The following METTL15 variants were observed in gnomAD, a reference collection of about 807,000 sequenced individuals.
METTL15 encodes the protein 12S rRNA N(4)-cytidine methyltransferase METTL15.
In METTL15, 34 loss-of-function variants were observed where a neutral mutation model predicts 38.3. That is an observed-to-expected ratio of 0.89 (90% CI 0.68 to 1.18). The LOEUF is 1.18. Among genes scored for constraint, METTL15 ranks in the 50% most tolerant of loss-of-function variants. The probability of loss-of-function intolerance (pLI) is 0.00; values close to 1 mark genes in which losing one functional copy is unlikely to be tolerated. For missense variants in METTL15, 438 were observed against 498.4 expected (o/e 0.88, Z 1.15); for synonymous variants, 162 against 170.9 (o/e 0.95, Z 0.41).
downstream of METTL15, among the ~76,000 whole-genome samples, chr11:28,333,758 A>G (rs1026150390): frequency 1.3e-5 from 2 of 151,892 alleles, no homozygotes; most frequent in Non-Finnish European, 2.9e-5. Context: ...ATGATATATT[A>G]TTTGTGCTTA....
chr11:28,466,397 C>T (rs531236059), intron 6 of METTL15, among the ~76,000 whole-genome samples: 1 of 152,154 alleles, frequency 6.6e-6, no homozygotes, highest in Non-Finnish European at 1.5e-5. Flanking sequence ...ATAGCTTCCT[C>T]GAGTGGAGAA....
intron 6 of METTL15, among the ~76,000 whole-genome samples, chr11:28,505,719 T>G (rs1851622760): frequency 6.6e-6 from 1 of 152,228 alleles, no homozygotes; most frequent in Non-Finnish European, 1.5e-5. Flanking sequence ...ACATGTTGGA[T>G]ACTTAATTTA....
At chr11:28,433,250 TC>T (rs1850951706) in intron 6 of METTL15, among the ~76,000 whole-genome samples, 1 of 152,094 alleles carries the variant, frequency 6.6e-6, no homozygotes, top group Admixed American at 6.6e-5. Flanking sequence ...TCATTTACTT[TC>T]TTCTCATTTC....
rs529325102 is a variant in METTL15 at position 28,113,682 on chromosome 11, A to G, written c.270+78A>G. The G allele has an allele frequency of 1.9e-5, 29 of 1,493,872 alleles. No homozygotes were observed. In the South Asian group the frequency reaches 3.2e-4, roughly 17 times the overall value. The allele number at this position is 1,493,872 out of a possible 1,614,324, so 92.5% of individuals were successfully genotyped here. A position where few individuals can be genotyped will look rare whatever the true frequency, so the allele number is the denominator to read the frequency against. On this transcript the variant is annotated intron_variant, in intron 3 of 6. Transcript: ENST00000407364. Reference sequence around the variant, plus strand: ...ATTGTAATATTCATTATTTTAAGGTATACAATTCAGTGGCCTTTAGTATAC... The same window carrying G: ...ATTGTAATATTCATTATTTTAAGGTGTACAATTCAGTGGCCTTTAGTATAC...
At chr11:28,342,058 A>G (rs1462833162) in intron 3 of METTL15, among the ~76,000 whole-genome samples, 1 of 152,128 alleles carries the variant, frequency 6.6e-6, no homozygotes, top group Non-Finnish European at 1.5e-5. Context: ...AAGGTGTAAA[A>G]CTTAAAACTG....
At chr11:28,487,928 T>C (rs1421860258) in intron 6 of METTL15, among the ~76,000 whole-genome samples, 1 of 152,170 alleles carries the variant, frequency 6.6e-6, no homozygotes, top group East Asian at 1.9e-4. Flanking sequence ...TTTTTATTTG[T>C]ATCACAAAAA....
At chr11:28,499,340 C>T (rs1222660559) in intron 6 of METTL15, among the ~76,000 whole-genome samples, 1 of 152,160 alleles carries the variant, frequency 6.6e-6, no homozygotes, top group Non-Finnish European at 1.5e-5. Flanking sequence ...GTCATTATAA[C>T]ATCCAGGTAT....
intron 5 of METTL15, among the ~76,000 whole-genome samples, chr11:28,368,156 A>G (rs563599186): frequency 1.3e-5 from 2 of 151,118 alleles, no homozygotes; most frequent in South Asian, 4.2e-4. Context: ...AAAAAACAAA[A>G]AAAAAAACAA....
At chr11:28,368,128 C>CAAAAAAAAAAAAAAAAAAA in intron 5 of METTL15, among the ~76,000 whole-genome samples, 1 of 32,588 alleles carries the variant, frequency 3.1e-5, no homozygotes, top group East Asian at 9.7e-4. Flanking sequence ...TTCTGCATAG[C>CAAAAAAAAAAAAAAAAAAA]AAAAAAAAAA....
At chr11:28,490,031 G>A (rs1851481462) in intron 6 of METTL15, among the ~76,000 whole-genome samples, 1 of 152,022 alleles carries the variant, frequency 6.6e-6, no homozygotes. Flanking sequence ...GGGTAGAAGA[G>A]GAATAGAAGG....
At chr11:28,166,272 C>T (rs989656146) in intron 3 of METTL15, among the ~76,000 whole-genome samples, 3 of 152,140 alleles carry the variant, frequency 2.0e-5, no homozygotes, top group African/African-American at 7.2e-5. Context: ...TCTTTTCCCT[C>T]CTTGTGCAAA....
intron 5 of METTL15, among the ~76,000 whole-genome samples, chr11:28,403,525 T>G: frequency 6.6e-6 from 1 of 152,120 alleles, no homozygotes; most frequent in East Asian, 1.9e-4. Flanking sequence ...GGTTAATAAC[T>G]TGGGTCTTGG....
intron 3 of METTL15, among the ~76,000 whole-genome samples, chr11:28,168,322 C>T (rs1307113952): frequency 3.3e-5 from 5 of 151,416 alleles, no homozygotes; most frequent in Non-Finnish European, 7.4e-5. Flanking sequence ...TAAGCAATTA[C>T]TGCTGTAATT....
intron 6 of METTL15, among the ~76,000 whole-genome samples, chr11:28,449,208 G>A (rs1274219893): frequency 2.6e-5 from 4 of 152,130 alleles, no homozygotes; most frequent in African/African-American, 9.7e-5. Context: ...CCCAGGAGGT[G>A]GATAGTGCAG....
At chr11:28,113,627 A>G (rs1278830590) in intron 3 of METTL15, 23 bp downstream of exon 3, 1 of 1,597,128 alleles carries the variant, frequency 6.3e-7, no homozygotes, top group Non-Finnish European at 8.5e-7. Context: ...TTTATTTTTT[A>G]GCAAGTTTTT....
At chr11:28,240,334 A>G (rs910790479) in intron 4 of METTL15, among the ~76,000 whole-genome samples, 1 of 152,204 alleles carries the variant, frequency 6.6e-6, no homozygotes, top group African/African-American at 2.4e-5. Flanking sequence ...TAATCTAGAA[A>G]GATTTCTGAA....
Position 28,109,499 on chromosome 11 carries a change from A to G in METTL15, c.-253-667A>G, listed in dbSNP as rs774508971. ...GTAATATTATTTTCATTTTTCTGAG[A>G]GAAAACTGAAGTTTTCAGAAAATTC... On this transcript the variant is annotated intron_variant, in intron 1 of 6. Transcript: ENST00000407364. Among the ~76,000 whole-genome samples the G allele has an allele frequency of 3.3e-5, 5 of 152,318 alleles. No homozygotes were observed. In the South Asian group the frequency reaches 8.3e-4, roughly 25 times the overall value.
chr11:28,393,273 CG>C (rs1385035563), intron 5 of METTL15, among the ~76,000 whole-genome samples: 1 of 151,856 alleles, frequency 6.6e-6, no homozygotes, highest in African/African-American at 2.4e-5. Flanking sequence ...GTGGAAGTAG[CG>C]TAAATGTCCA....
intron 6 of METTL15, among the ~76,000 whole-genome samples, chr11:28,471,556 G>GCCCT (rs1239509526): frequency 6.6e-6 from 1 of 152,056 alleles, no homozygotes; most frequent in Non-Finnish European, 1.5e-5. Context: ...TCCAATTGTA[G>GCCCT]CCCTCTCTTT....
Sources: allele counts gnomAD v4.1 joint callset (sites outside exome capture counted in the v4.1 genomes callset), GRCh38; gene constraint gnomAD v4.1.1; transcripts MANE v1.5; gene names NCBI Gene and HGNC (gene_info 2026-07-23, HGNC 2026-07-21).